The following MYH15 variants were observed in gnomAD, a reference collection of about 807,000 sequenced individuals.
The protein encoded by MYH15 is myosin-15.
MYH15 carries 227 observed loss-of-function variants against 240.5 expected under a neutral mutation model. The ratio of observed to expected loss-of-function variants is 0.94; its 90% CI spans 0.85 to 1.05. The LOEUF is 1.05. Among genes scored for constraint, MYH15 ranks in the 50% least tolerant of loss-of-function variants. MYH15 has a pLI of 0.00. For synonymous variants in MYH15, 785 were observed against 796.7 expected, an observed-to-expected ratio of 0.99 and a Z score of 0.25; for missense variants, 2,217 against 2,247.5, an observed-to-expected ratio of 0.99 and a Z score of 0.27.
At position 108,444,659 on chromosome 3, in the gene MYH15, A is replaced by G. The variant is rs1308883914; in HGVS notation, c.2636T>C (p.Leu879Pro). 1 of 1,614,010 alleles carries G rather than the reference A, an allele frequency of 6.2e-7. No homozygotes were observed. The highest frequency in any genetic ancestry group is 1.1e-5 in the South Asian group (1 of 91,046). The part of the protein sequence containing the change: ...QVSLTQEKND[L>P]ILQLQAEQET... ...ACTCACAGCCTGAAGCTGAAGAATC[A>G]GGTCATTTTTTTCCTGAGTGAGGGA... The change falls in exon 22 of 41, where the codon CTG becomes CCG. Residue 879 changes from leucine to proline, a missense_variant. Coordinates refer to ENST00000693548, the MANE Select transcript of MYH15 (RefSeq NM_014981.3).
At position 108,464,781 on chromosome 3, in the gene MYH15, A is replaced by T; in HGVS notation, c.1588T>A (p.Cys530Ser). 6.2e-7 allele frequency: 1 copy of T among 1,611,746 alleles called. No individual in the cohort carries two copies. The highest frequency in any genetic ancestry group is 2.2e-5 in the East Asian group (1 of 44,792). The change falls in exon 15 of 41, where the codon TGT (cysteine) becomes AGT (serine). Residue 530 changes from cysteine (C) to serine (S), a missense_variant. Physicochemically the swap from Cys to Ser is moderately radical, Grantham distance 112 (BLOSUM62 -1). Transcript: ENST00000693548. ...MGILSILEEE[C>S]MFPKATDLTF... ...AGGTCTGTAGCCTTAGGAAACATACACTCTTCTTCAAGGATGGAAAGGATG... is the reference window on the plus strand; with the variant it reads ...AGGTCTGTAGCCTTAGGAAACATACTCTCTTCTTCAAGGATGGAAAGGATG...
At chr3:108,426,825 T>C (rs1304354274) in intron 27 of MYH15, among the ~76,000 whole-genome samples, 4 of 152,154 alleles carry the variant, frequency 2.6e-5, no homozygotes, top group Non-Finnish European at 5.9e-5. Context: ...GGGGGGGCAG[T>C]GCTACATGGG....
At chr3:108,544,848 A>C in the MYH15 span, among the ~76,000 whole-genome samples, 2 of 152,310 alleles carry the variant, frequency 1.3e-5, no homozygotes, top group East Asian at 1.9e-4. Context: ...AAAAGAGCCT[A>C]CTACAAAAAT....
intron 22 of MYH15, among the ~76,000 whole-genome samples, chr3:108,442,548 C>T (rs1025397537): frequency 1.3e-5 from 2 of 152,114 alleles, no homozygotes; most frequent in Non-Finnish European, 2.9e-5. Context: ...TATACAAGAC[C>T]TGTCACCATC....
intron 1 of MYH15, among the ~76,000 whole-genome samples, chr3:108,507,773 T>C (rs1179974287): frequency 6.6e-6 from 1 of 152,222 alleles, no homozygotes; most frequent in African/African-American, 2.4e-5. Flanking sequence ...ATCATTTGTG[T>C]TTTAAATACT....
intron 23 of MYH15, among the ~76,000 whole-genome samples, chr3:108,440,386 G>T (rs1027142164): frequency 2.0e-5 from 3 of 152,058 alleles, no homozygotes. Context: ...ACTGTATCAG[G>T]CCCATGTGCT....
chr3:108,419,669 A>G (rs952938690), intron 28 of MYH15, among the ~76,000 whole-genome samples: 6 of 152,238 alleles, frequency 3.9e-5, no homozygotes, highest in African/African-American at 1.4e-4. Flanking sequence ...AGTCCTATTC[A>G]GAGTCCTTAA....
intron 35 of MYH15, among the ~76,000 whole-genome samples, chr3:108,396,440 C>A (rs1409887568): frequency 6.6e-6 from 1 of 152,170 alleles, no homozygotes; most frequent in Non-Finnish European, 1.5e-5. Flanking sequence ...CTCACATGAG[C>A]AGTTCATAAG....
Position 108,455,832 on chromosome 3 carries a change from A to C in MYH15, c.2166T>G (p.Phe722Leu). The C allele has an allele frequency of 1.9e-6, 3 of 1,613,258 alleles. No homozygotes were observed. The highest frequency in any genetic ancestry group is 2.5e-6 in the Non-Finnish European group (3 of 1,179,232). The change falls in exon 20 of 41, where the codon TTT (phenylalanine) becomes TTG (leucine). Residue 722 changes from phenylalanine to leucine, a missense_variant. Physicochemically the swap from Phe to Leu is conservative, Grantham distance 22. Transcript: ENST00000693548. The part of the protein sequence containing the change: ...QRYCILNPRT[F>L]PKSKFVSSRK... ...TGCTGCTCACAAACTTGCTCTTTGG[A>C]AAGGTCCTTGGATTCAGAATGCAGT...
At chr3:108,466,681 G>GGATT (rs2083121470) in intron 14 of MYH15, among the ~76,000 whole-genome samples, 1 of 152,152 alleles carries the variant, frequency 6.6e-6, no homozygotes, top group African/African-American at 2.4e-5. Flanking sequence ...TCCTTCTGTA[G>GGATT]GATTCTATTG....
chr3:108,471,625 T>TA (rs2083178325), intron 12 of MYH15, among the ~76,000 whole-genome samples: 1 of 152,154 alleles, frequency 6.6e-6, no homozygotes, highest in African/African-American at 2.4e-5. Flanking sequence ...TAGGTCAATT[T>TA]AAAAAAATCC....
chr3:108,399,012 T>C (rs777473458), intron 34 of MYH15, 63 bp downstream of exon 34: 2 of 1,537,622 alleles, frequency 1.3e-6, no homozygotes, highest in Non-Finnish European at 1.8e-6. Flanking sequence ...TGTTGCTTAG[T>C]TTGCTTCCAT....
rs1389710892 is a variant in MYH15 at position 108,428,865 on chromosome 3, A to G, written c.3329T>C (p.Leu1110Ser). 9 of 1,608,442 alleles carry G rather than the reference A, an allele frequency of 5.6e-6. No individual in the cohort carries two copies. Among genetic ancestry groups the G allele is most frequent in the African/African-American group, 1.3e-5 (1 of 74,154 alleles). ...VKELQTQIKD[L>S]KEKLEAERTT... ...CCTTTCAGCTTCTAGTTTCTCTTTC[A>G]AATCCTTTATTTGAGTCTGTAGCAA... is the stretch of plus-strand genomic sequence containing the variant. The change falls in exon 27 of 41, where the codon TTG becomes TCG. Residue 1110 changes from leucine to serine, a missense_variant. Physicochemically the swap from Leu to Ser is moderately radical, Grantham distance 145 (BLOSUM62 -2). Coordinates refer to ENST00000693548, the MANE Select transcript of MYH15 (RefSeq NM_014981.3).
the MYH15 span, among the ~76,000 whole-genome samples, chr3:108,536,852 T>C: frequency 6.6e-6 from 1 of 152,208 alleles, no homozygotes; most frequent in Non-Finnish European, 1.5e-5. Context: ...TGGCAAAACT[T>C]GGGAGACTCT....
intron 21 of MYH15, among the ~76,000 whole-genome samples, chr3:108,450,802 G>A (rs9819399): frequency 0.77 from 117,465 of 151,982 alleles, 45,606 homozygotes; most frequent in African/African-American, 0.8. Context: ...CAGATTATAC[G>A]CCATATATAC....
intron 11 of MYH15, among the ~76,000 whole-genome samples, chr3:108,480,836 C>T (rs1209717065): frequency 6.6e-6 from 1 of 152,178 alleles, no homozygotes; most frequent in Admixed American, 6.5e-5. Context: ...GGAGTTGGAA[C>T]TCAAGAAAGA....
the MYH15 span, among the ~76,000 whole-genome samples, chr3:108,546,297 A>G: frequency 6.6e-6 from 1 of 152,130 alleles, no homozygotes; most frequent in Non-Finnish European, 1.5e-5. Flanking sequence ...AAGCCTTTTT[A>G]TTTGAAGTTT....
intron 14 of MYH15, among the ~76,000 whole-genome samples, chr3:108,467,619 A>G (rs2083131267): frequency 6.6e-6 from 1 of 152,222 alleles, no homozygotes; most frequent in Non-Finnish European, 1.5e-5. Flanking sequence ...GAGCTAAATT[A>G]TTGGAAGAAG....
At chr3:108,546,134 C>G in the MYH15 span, among the ~76,000 whole-genome samples, 1 of 152,188 alleles carries the variant, frequency 6.6e-6, no homozygotes, top group East Asian at 1.9e-4. Flanking sequence ...GATCACTGTT[C>G]TTTCAGAATT....
Sources: gnomAD v4.1 joint callset for allele counts (sites outside exome capture counted in the v4.1 genomes callset) on GRCh38, gnomAD v4.1.1 for gene constraint, MANE v1.5 for transcripts, NCBI Gene and HGNC (gene_info 2026-07-23, HGNC 2026-07-21) for gene names.